The following CATSPERD variants were observed in gnomAD, a reference collection of about 807,000 sequenced individuals.
CATSPERD encodes the protein cation channel sperm-associated auxiliary subunit delta.
In CATSPERD, 86 loss-of-function variants were observed where a neutral mutation model predicts 98.1. The ratio of observed to expected loss-of-function variants is 0.88; its 90% CI spans 0.74 to 1.05. The LOEUF is 1.05. Among genes scored for constraint, CATSPERD ranks in the 50% least tolerant of loss-of-function variants. The pLI, the probability that CATSPERD is intolerant of heterozygous loss-of-function variation, is 0.00. For synonymous variants in CATSPERD, 394 were observed against 390.2 expected (o/e 1.01, Z -0.12); for missense variants, 995 against 1,005.7 (o/e 0.99, Z 0.14).
intron 15 of CATSPERD, among the ~76,000 whole-genome samples, chr19:5,762,056 A>ATATATATATATG (rs1555725338): frequency 6.9e-5 from 1 of 14,482 alleles, no homozygotes; most frequent in Non-Finnish European, 1.6e-4. Context: ...ATATATATAT[A>ATATATATATATG]TATTTTTTTT....
chr19:5,754,229 C>T lies in CATSPERD; in HGVS notation c.1262C>T (p.Thr421Ile). 4.3e-6 allele frequency: 7 copies of T among 1,612,738 alleles called. No homozygotes were observed. The highest frequency in any genetic ancestry group is 2.2e-5 in the East Asian group (1 of 44,878). ...GCTTCGTTGATACCCCAGCCAGGCA[C>T]ATCCCTGATTCCTCTGGTAAGTACA... Reference protein sequence around the residue: ...LTASLIPQPGTSLIPLVMVSN... With the variant: ...LTASLIPQPGISLIPLVMVSN... Residue 421 changes from threonine (T) to isoleucine (I), a missense_variant, in exon 13 of 22, where the codon ACA becomes ATA. Physicochemically the swap from Thr to Ile is moderately conservative, Grantham distance 89. Transcript: ENST00000381624.
At chr19:5,771,126 C>G (rs906419866) in intron 19 of CATSPERD, 54 bp downstream of exon 19, 1 of 1,571,080 alleles carries the variant, frequency 6.4e-7, no homozygotes, top group African/African-American at 1.4e-5. Flanking sequence ...GCCTCATGCT[C>G]CCTGGCCCTG....
intron 7 of CATSPERD, among the ~76,000 whole-genome samples, chr19:5,742,066 A>AG: frequency 6.6e-6 from 1 of 151,784 alleles, no homozygotes. Context: ...AACAAAAAAA[A>AG]CAAAAAAGGA....
At chr19:5,752,903 T>C (rs2056247765) in intron 12 of CATSPERD, among the ~76,000 whole-genome samples, 1 of 151,540 alleles carries the variant, frequency 6.6e-6, no homozygotes, top group African/African-American at 2.4e-5. Flanking sequence ...TGGCACATGC[T>C]TGTAATCCCA....
chr19:5,772,923 C>T lies in CATSPERD; in HGVS notation c.1899C>T (p.Thr633=), dbSNP rs1218000450. 2 of 1,614,018 alleles carry T rather than the reference C, an allele frequency of 1.2e-6. No individual in the cohort carries two copies. The highest frequency in any genetic ancestry group is 2.7e-5 in the African/African-American group (2 of 74,922). Residue 633 remains threonine, a synonymous_variant, in exon 20 of 22, where the codon ACC becomes ACT. Coordinates refer to ENST00000381624, the MANE Select transcript of CATSPERD (RefSeq NM_152784.4). ...MCTSQPQNWT[T]MIKEFGGPFF... is the part of the protein sequence containing the mutation. The stretch of plus-strand genomic sequence containing the variant: ...CCTCCCAGCCGCAGAACTGGACCAC[C>T]ATGATAAAGGAATTCGGGGGGCCCT...
At chr19:5,722,180 G>A (rs1324757744) in intron 1 of CATSPERD, among the ~76,000 whole-genome samples, 1 of 151,718 alleles carries the variant, frequency 6.6e-6, no homozygotes, top group Non-Finnish European at 1.5e-5. Context: ...GGAGTACAAT[G>A]TCACGGTCTC....
At chr19:5,766,210 G>C (rs1297870453) in intron 17 of CATSPERD, 55 bp downstream of exon 17, 2 of 1,518,624 alleles carry the variant, frequency 1.3e-6, no homozygotes, top group South Asian at 1.2e-5. Flanking sequence ...CAGCACTTTG[G>C]GAGGCCGAGG....
At chr19:5,733,281 A>G (rs1364027245) in intron 4 of CATSPERD, among the ~76,000 whole-genome samples, 1 of 149,752 alleles carries the variant, frequency 6.7e-6, no homozygotes, top group East Asian at 1.9e-4. Context: ...GGTGTAAGCC[A>G]CTGCGCCTGG....
chr19:5,765,056 G>A lies in CATSPERD; in HGVS notation c.1507-1047G>A, dbSNP rs561114536. 5.9e-5 allele frequency among the ~76,000 whole-genome samples: 9 copies of A among 152,176 alleles called. No individual in the cohort carries two copies. In the East Asian group the frequency reaches 9.6e-4, roughly 16 times the overall value. On this transcript the variant is annotated intron_variant, in intron 16 of 21. Coordinates refer to ENST00000381624, the MANE Select transcript of CATSPERD (RefSeq NM_152784.4). ...CTCTCAAGTAGCTGGGATTACAGGC[G>A]TGCACCACCACACCTGGCTAAGTTT...
intron 18 of CATSPERD, among the ~76,000 whole-genome samples, chr19:5,769,620 C>G (rs775103965): frequency 9.9e-5 from 15 of 152,200 alleles, no homozygotes; most frequent in Non-Finnish European, 1.9e-4. Context: ...CCCTCAAATG[C>G]AAGTCAAGAG....
intron 4 of CATSPERD, among the ~76,000 whole-genome samples, chr19:5,732,074 G>A (rs369693908): frequency 6.0e-5 from 9 of 149,620 alleles, no homozygotes; most frequent in African/African-American, 2.0e-4. Flanking sequence ...GGGTTCAAGC[G>A]ATTCTCCTGC....
intron 17 of CATSPERD, 49 bp from the exon 18 acceptor site, chr19:5,768,119 G>C (rs1025298274): frequency 1.9e-6 from 3 of 1,539,056 alleles, no homozygotes; most frequent in South Asian, 1.1e-5. Context: ...ATAATGGTTT[G>C]GTTCTTTGTG....
Position 5,740,032 on chromosome 19 carries a change from A to G in CATSPERD, c.573+593A>G, listed in dbSNP as rs563870300. 3.3e-5 allele frequency among the ~76,000 whole-genome samples: 5 copies of G among 152,204 alleles called. No individual in the cohort carries two copies. In the South Asian group the frequency reaches 1.0e-3, roughly 32 times the overall value. Reference sequence around the variant, plus strand: ...TGCGGTGCCTCACGCATGTAATCTGAGCACTTTGGGAGGCCGAGGTGGGCA... The same window carrying G: ...TGCGGTGCCTCACGCATGTAATCTGGGCACTTTGGGAGGCCGAGGTGGGCA... On this transcript the variant is annotated intron_variant, in intron 7 of 21. Coordinates refer to ENST00000381624, the MANE Select transcript of CATSPERD (RefSeq NM_152784.4).
At chr19:5,776,128 T>C in intron 20 of CATSPERD, 33 bp from the exon 21 acceptor site, 3 of 1,608,952 alleles carry the variant, frequency 1.9e-6, no homozygotes, top group Non-Finnish European at 2.6e-6. Flanking sequence ...CCCCAGTCCC[T>C]AGGGCCAGTG....
chr19:5,764,469 C>T (rs2056502800), intron 16 of CATSPERD, among the ~76,000 whole-genome samples: 1 of 151,738 alleles, frequency 6.6e-6, no homozygotes, highest in Non-Finnish European at 1.5e-5. Flanking sequence ...GCGCCTGCCA[C>T]CATGCCTGGC....
chr19:5,751,753 A>G lies in CATSPERD; in HGVS notation c.1094A>G (p.Asp365Gly). 2 of 1,613,748 alleles carry G rather than the reference A, an allele frequency of 1.2e-6. No individual in the cohort carries two copies. Among genetic ancestry groups the G allele is most frequent in the Non-Finnish European group, 1.7e-6 (2 of 1,179,938 alleles). ...PLRDTAFPAF[D>G]FQKCLVNIQA... ...CGTGACACAGCCTTTCCAGCTTTTGATTTCCAGAAGTGCCTCGTGAATATC... is the reference window on the plus strand; with the variant it reads ...CGTGACACAGCCTTTCCAGCTTTTGGTTTCCAGAAGTGCCTCGTGAATATC... Residue 365 changes from aspartate (D) to glycine (G), a missense_variant, in exon 12 of 22, where the codon GAT becomes GGT. By Grantham distance (94) the Asp-to-Gly change is moderately conservative. Coordinates refer to ENST00000381624, the MANE Select transcript of CATSPERD (RefSeq NM_152784.4).
intron 12 of CATSPERD, chr19:5,753,537 G>C (rs941897529): frequency 6.0e-6 from 2 of 334,882 alleles, no homozygotes; most frequent in Non-Finnish European, 1.2e-5. Flanking sequence ...ACCCCAACCT[G>C]GGCGACAGAG....
chr19:5,747,822 G>A (rs746536094), intron 9 of CATSPERD, among the ~76,000 whole-genome samples: 2 of 151,980 alleles, frequency 1.3e-5, no homozygotes, highest in Non-Finnish European at 2.9e-5. Flanking sequence ...ATGTTGGCCA[G>A]CCTGATCTCG....
chr19:5,764,165 G>A (rs923015782), intron 16 of CATSPERD, among the ~76,000 whole-genome samples: 7 of 148,934 alleles, frequency 4.7e-5, no homozygotes, highest in African/African-American at 1.7e-4. Flanking sequence ...TGAACTCCTG[G>A]TCTTGTGATC....
Sources: gnomAD v4.1 joint callset for allele counts (sites outside exome capture counted in the v4.1 genomes callset) on GRCh38, gnomAD v4.1.1 for gene constraint, MANE v1.5 for transcripts, NCBI Gene and HGNC (gene_info 2026-07-23, HGNC 2026-07-21) for gene names.